CHD5: variants seen among roughly 807,000 people sequenced by gnomAD.
CHD5 encodes chromodomain helicase DNA binding protein 5, also known as ATP-dependent chromatin remodeler CHD5.
In CHD5, 69 loss-of-function variants were observed where a neutral mutation model predicts 230.3. That is an observed-to-expected ratio of 0.30 (90% CI 0.25 to 0.37). The LOEUF is 0.37. Ranked by LOEUF, CHD5 falls within the 10% of genes least tolerant of loss-of-function variation. CHD5 has a pLI of 1.00. For missense variants in CHD5, 1,827 were observed against 2,622.8 expected (o/e 0.70, Z 6.63); for synonymous variants, 1,064 against 1,065.9 (o/e 1.00, Z 0.03).
rs1396889969 is a variant in CHD5, at chr1:6,167,361, CA to C, written c.207+788del. Among the ~76,000 whole-genome samples, 3 of 152,200 alleles carry C rather than the reference CA, an allele frequency of 2.0e-5. No homozygotes were observed. Among genetic ancestry groups the C allele is most frequent in the African/African-American group, 7.2e-5 (3 of 41,448 alleles). ...GAAGTGAGGTGCTTGCCATTGCTCT[CA>C]ACATAGGGTCGCTTGGAGGATCAGA... On this transcript the variant is annotated intron_variant, in intron 2 of 41. Coordinates refer to ENST00000262450, the MANE Select transcript of CHD5 (RefSeq NM_015557.3). The surrounding 1 kb of genome is among the most constrained non-coding windows in gnomAD (Gnocchi z 4.5).
At chr1:6,177,784 C>G (rs1176490998) in intron 1 of CHD5, among the ~76,000 whole-genome samples, 1 of 152,164 alleles carries the variant, frequency 6.6e-6, no homozygotes, top group Non-Finnish European at 1.5e-5. Flanking sequence ...ACAGCCAGGG[C>G]CCCATGGCAG....
intron 33 of CHD5, among the ~76,000 whole-genome samples, chr1:6,119,815 G>A (rs760820216): frequency 4.7e-5 from 7 of 148,942 alleles, no homozygotes; most frequent in Non-Finnish European, 8.9e-5. Flanking sequence ...ACATATATAC[G>A]TATATATATA....
intron 5 of CHD5, among the ~76,000 whole-genome samples, chr1:6,153,490 G>C (rs577417095): frequency 1.3e-5 from 2 of 152,250 alleles, no homozygotes; most frequent in South Asian, 4.1e-4. Flanking sequence ...AAGCTCCTTG[G>C]GGCTGAAAGA....
chr1:6,123,436 T>G (rs952089038), intron 31 of CHD5, among the ~76,000 whole-genome samples: 1 of 152,084 alleles, frequency 6.6e-6, no homozygotes, highest in Non-Finnish European at 1.5e-5. Flanking sequence ...TAGTACTTTT[T>G]TTTTTTTGAG....
chr1:6,152,950 T>C (rs1218982161), intron 5 of CHD5, among the ~76,000 whole-genome samples: 1 of 152,212 alleles, frequency 6.6e-6, no homozygotes, highest in African/African-American at 2.4e-5. Context: ...AAAAGGCCTT[T>C]TCCCACCTGC....
At chr1:6,119,306 G>A (rs924826354) in intron 33 of CHD5, among the ~76,000 whole-genome samples, 4 of 152,028 alleles carry the variant, frequency 2.6e-5, no homozygotes, top group African/African-American at 4.8e-5. Context: ...CACCATGTTC[G>A]ACAGGATAGT....
chr1:6,161,651 C>T lies in CHD5; in HGVS notation c.208-2136G>A, dbSNP rs184757579. Reference sequence around the variant, plus strand: ...GAGCCACGGCTCCCAAGCTCGGCCTCGGTCCTTTGGGGAGGTGGAGATGAG... The same window carrying T: ...GAGCCACGGCTCCCAAGCTCGGCCTTGGTCCTTTGGGGAGGTGGAGATGAG... On this transcript the variant is annotated intron_variant, in intron 2 of 41. Transcript: ENST00000262450. Among the ~76,000 whole-genome samples the T allele has an allele frequency of 5.6e-4, 85 of 152,276 alleles. 1 individual carries two copies. Among genetic ancestry groups the T allele is most frequent in the South Asian group, 1.4e-3 (7 of 4,832 alleles).
intron 13 of CHD5, among the ~76,000 whole-genome samples, chr1:6,143,489 AGT>A (rs57541864): frequency 6.6e-6 from 1 of 152,076 alleles, no homozygotes; most frequent in African/African-American, 2.4e-5. Context: ...CCTAGAAGAC[AGT>A]GTGTCTTCTG....
In CHD5 at chr1:6,143,875, T is replaced by C. The variant is rs1175558087; in HGVS notation, c.1991A>G (p.Lys664Arg). ...CTCCTGCTTGTCGTCCCTCAGCTTC[T>C]TGCCCTTCTTGAGCAGCCTCTTGGG... ...RLPKRLLKKG[K>R]KLRDDKQEKP... Residue 664 changes from lysine (K) to arginine (R), a missense_variant, in exon 13 of 42, where the codon AAG becomes AGG. Coordinates refer to ENST00000262450, the MANE Select transcript of CHD5 (RefSeq NM_015557.3). The C allele has an allele frequency of 1.2e-6, 2 of 1,611,072 alleles. No homozygotes were observed. The highest frequency in any genetic ancestry group is 1.7e-6 in the Non-Finnish European group (2 of 1,178,470).
At chr1:6,144,238 A>G in intron 11 of CHD5, 83 bp from the exon 12 acceptor site, 1 of 1,574,118 alleles carries the variant, frequency 6.4e-7, no homozygotes, top group East Asian at 2.3e-5. Flanking sequence ...CAGGATGCAG[A>G]GCCATTCACA....
chr1:6,165,814 G>A (rs1180494833), intron 2 of CHD5, among the ~76,000 whole-genome samples: 1 of 152,046 alleles, frequency 6.6e-6, no homozygotes, highest in Non-Finnish European at 1.5e-5. Context: ...TTCCCTGGGG[G>A]AGCCTCCAGG....
At position 6,167,581 on chromosome 1, in the gene CHD5, G is replaced by A. The variant is rs1413796893; in HGVS notation, c.207+569C>T. On this transcript the variant is annotated intron_variant, in intron 2 of 41. Coordinates refer to ENST00000262450, the MANE Select transcript of CHD5 (RefSeq NM_015557.3). This position sits in a 1 kb window ranked among gnomAD's most constrained non-coding sequence, Gnocchi z 4.5. ...CAAGTGAGCCCGCGTGAAGCACAGA[G>A]AAGCACACTCGGAATGTGTCAGCAG... 6.6e-6 allele frequency among the ~76,000 whole-genome samples: 1 copy of A among 152,184 alleles called. No individual in the cohort carries two copies. Among genetic ancestry groups the A allele is most frequent in the Non-Finnish European group, 1.5e-5 (1 of 68,032 alleles).
chr1:6,101,990 C>T lies in CHD5; in HGVS notation c.*3484G>A, dbSNP rs778132770. On this transcript the variant is annotated 3_prime_UTR_variant, in exon 42 of 42. Transcript: ENST00000262450. ...GCCACCCTGGCTGGGACTCCTGGCG[C>T]GCCTTGCACCCAGCCCAGGGCCCTC... 3.5e-4 allele frequency: 142 copies of T among 409,788 alleles called. 1 individual carries two copies. The highest frequency in any genetic ancestry group is 4.4e-4 in the Non-Finnish European group (89 of 203,018). 25.4% of individuals were successfully genotyped at this position (409,788 alleles called of 1,614,324 possible).
intron 38 of CHD5, among the ~76,000 whole-genome samples, chr1:6,107,678 G>A (rs1373627705): frequency 7.0e-6 from 1 of 143,018 alleles, no homozygotes. Flanking sequence ...GATGATGGAG[G>A]GATAATATAG....
At position 6,155,005 on chromosome 1, in the gene CHD5, C is replaced by T; in HGVS notation, c.507-107G>A. ...CTGCCACATGTGCGATCTATGGCAG[C>T]AGCCCCAGGTTCCTGATTAGAGAGA... On this transcript the variant is annotated intron_variant, in intron 4 of 41. Coordinates refer to ENST00000262450, the MANE Select transcript of CHD5 (RefSeq NM_015557.3). The surrounding 1 kb of genome is among the most constrained non-coding windows in gnomAD (Gnocchi z 4.0). The T allele has an allele frequency of 1.0e-6, 1 of 994,242 alleles. No individual in the cohort carries two copies. The highest frequency in any genetic ancestry group is 2.5e-5 in the East Asian group (1 of 39,224). The allele number at this position is 994,242 out of a possible 1,614,324, so 61.6% of individuals were successfully genotyped here.
chr1:6,129,166 A>G lies in CHD5; in HGVS notation c.3388-97T>C. 1.2e-6 allele frequency: 1 copy of G among 823,890 alleles called. No homozygotes were observed. The highest frequency in any genetic ancestry group is 2.0e-6 in the Non-Finnish European group (1 of 511,902). 51.0% of individuals were successfully genotyped at this position (823,890 alleles called of 1,614,324 possible). A position where few individuals can be genotyped will look rare whatever the true frequency, so the allele number is the denominator to read the frequency against. ...AGCTCAAGAGCATGGAATGGGCTGCATGACTGTGTAGGGAAAGGCGTGTGG... is the reference window on the plus strand; with the variant it reads ...AGCTCAAGAGCATGGAATGGGCTGCGTGACTGTGTAGGGAAAGGCGTGTGG... On this transcript the variant is annotated intron_variant, in intron 22 of 41. Coordinates refer to ENST00000262450, the MANE Select transcript of CHD5 (RefSeq NM_015557.3). This position sits in a 1 kb window ranked among gnomAD's most constrained non-coding sequence, Gnocchi z 6.8.
intron 6 of CHD5, among the ~76,000 whole-genome samples, chr1:6,151,583 G>A (rs1175440938): frequency 6.6e-6 from 1 of 152,228 alleles, no homozygotes; most frequent in African/African-American, 2.4e-5. Flanking sequence ...CTCTCCACCA[G>A]CAAACATGCC....
At chr1:6,160,236 G>A (rs1253066260) in intron 2 of CHD5, among the ~76,000 whole-genome samples, 1 of 69,746 alleles carries the variant, frequency 1.4e-5, no homozygotes, top group Admixed American at 1.3e-4. Flanking sequence ...GCCAGAGAAG[G>A]GCCCCAGCCA....
At chr1:6,139,350 C>T (rs1666793163) in intron 15 of CHD5, among the ~76,000 whole-genome samples, 1 of 152,076 alleles carries the variant, frequency 6.6e-6, no homozygotes, top group African/African-American at 2.4e-5. Flanking sequence ...GATTCTCCTG[C>T]CTCAGCCTCC....
Sources: allele counts gnomAD v4.1 joint callset (sites outside exome capture counted in the v4.1 genomes callset), GRCh38; gene constraint gnomAD v4.1.1; non-coding constraint Gnocchi (gnomAD v3.1); transcripts MANE v1.5; gene names NCBI Gene and HGNC (gene_info 2026-07-23, HGNC 2026-07-21).